Variants in SYNPO2 observed in about 807,000 individuals in gnomAD.
SYNPO2 encodes synaptopodin-2.
Under a neutral mutation model 85.0 loss-of-function variants are expected in SYNPO2, and 56 were observed. The observed-to-expected ratio is 0.66, with a 90% confidence interval of 0.53 to 0.82. The LOEUF is 0.82. SYNPO2 is among the 40% of genes least tolerant of loss of function. SYNPO2 has a pLI of 0.00. For synonymous variants in SYNPO2, 602 were observed against 591.1 expected (o/e 1.02, Z -0.27); for missense variants, 1,575 against 1,534.2 (o/e 1.03, Z -0.44).
intron 1 of SYNPO2, among the ~76,000 whole-genome samples, chr4:118,928,589 G>T (rs1203585000): frequency 1.3e-5 from 2 of 152,146 alleles, no homozygotes; most frequent in Non-Finnish European, 2.9e-5. Flanking sequence ...TATGTAGAAA[G>T]ATTAGACATT....
At position 119,034,573 on chromosome 4, in the gene SYNPO2, G is replaced by A. The variant is rs1337705027; in HGVS notation, c.3252+2546G>A. On this transcript the variant is annotated intron_variant, in intron 4 of 4. Coordinates refer to ENST00000307142, the MANE Select transcript of SYNPO2 (RefSeq NM_133477.3). ...TGCAGTAAAAGCATCTACAACTTCAGCTGGGCACTGGCAGCATAGGTCTCA... is the reference window on the plus strand; with the variant it reads ...TGCAGTAAAAGCATCTACAACTTCAACTGGGCACTGGCAGCATAGGTCTCA... 9 of 985,442 alleles carry A rather than the reference G, an allele frequency of 9.1e-6. No individual in the cohort carries two copies. The African/African-American group carries it at 1.2e-4, about 13-fold the overall frequency. The allele number at this position is 985,442 out of a possible 1,614,324, so 61.0% of individuals were successfully genotyped here.
intron 1 of SYNPO2, 29 bp downstream of exon 1, chr4:118,889,170 T>A: frequency 6.2e-7 from 1 of 1,602,646 alleles, no homozygotes; most frequent in Middle Eastern, 1.7e-4. Context: ...GTCACGGCTC[T>A]GTGCTAGGAA....
intron 1 of SYNPO2, among the ~76,000 whole-genome samples, chr4:118,856,935 A>G (rs1179412165): frequency 1.3e-5 from 2 of 152,198 alleles, no homozygotes; most frequent in African/African-American, 4.8e-5. Flanking sequence ...TATTTTAAGT[A>G]AAGAATATGA....
chr4:118,860,917 A>T (rs1731598160), intron 1 of SYNPO2, among the ~76,000 whole-genome samples: 1 of 152,136 alleles, frequency 6.6e-6, no homozygotes, highest in Non-Finnish European at 1.5e-5. Context: ...AGCTTCTAAC[A>T]TATTCTGGTT....
At chr4:119,029,283 T>G (rs1369337824) in intron 3 of SYNPO2, among the ~76,000 whole-genome samples, 3 of 152,048 alleles carry the variant, frequency 2.0e-5, no homozygotes, top group Non-Finnish European at 4.4e-5. Flanking sequence ...AGATTTGGGG[T>G]GGTTGTCAGG....
intron 1 of SYNPO2, among the ~76,000 whole-genome samples, chr4:118,976,336 C>G (rs1560934115): frequency 6.6e-6 from 1 of 152,098 alleles, no homozygotes; most frequent in Non-Finnish European, 1.5e-5. Flanking sequence ...CTCGTGGTCT[C>G]AAGAGTGAAG....
intron 2 of SYNPO2, among the ~76,000 whole-genome samples, chr4:119,024,125 C>G (rs1257186787): frequency 1.3e-5 from 2 of 152,178 alleles, no homozygotes; most frequent in Non-Finnish European, 2.9e-5. Flanking sequence ...GCACGACCAA[C>G]ACAGGTCATT....
chr4:118,866,075 C>A (rs1731694526), intron 1 of SYNPO2, among the ~76,000 whole-genome samples: 1 of 152,088 alleles, frequency 6.6e-6, no homozygotes, highest in African/African-American at 2.4e-5. Flanking sequence ...AACATCTGAG[C>A]CAAAGTCAGG....
intron 4 of SYNPO2, chr4:119,036,382 T>G: frequency 1.0e-6 from 1 of 985,424 alleles, no homozygotes; most frequent in Non-Finnish European, 1.2e-6. Context: ...TCGCTGGTCT[T>G]GGGTCCACAT....
rs534544921 is a variant in SYNPO2 at position 119,052,372 on chromosome 4, T to C, written c.3253-5029T>C. On this transcript the variant is annotated intron_variant, in intron 4 of 4. Transcript: ENST00000307142. ...ATAGGATGAGTCCAAAGTCACTCCC[T>C]AGAACAGAGAAGAATTAGCATGAAT... 2.0e-3 allele frequency among the ~76,000 whole-genome samples: 303 copies of C among 152,236 alleles called. 2 individuals carry two copies. The highest frequency in any genetic ancestry group is 7.1e-3 in the African/African-American group (296 of 41,550).
At chr4:119,052,261 G>C (rs990775562) in intron 4 of SYNPO2, among the ~76,000 whole-genome samples, 5 of 152,174 alleles carry the variant, frequency 3.3e-5, no homozygotes, top group African/African-American at 1.2e-4. Context: ...GGGAGAGCTG[G>C]CTGGGGTCAA....
At chr4:119,022,762 A>ATATTTTATTT (rs201911177) in intron 1 of SYNPO2, among the ~76,000 whole-genome samples, 2 of 109,784 alleles carry the variant, frequency 1.8e-5, no homozygotes, top group Non-Finnish European at 2.0e-5. Context: ...ATTTTATTTT[A>ATATTTTATTT]TATTTTATTT....
chr4:119,013,676 C>T (rs1737415349), intron 1 of SYNPO2, among the ~76,000 whole-genome samples: 1 of 152,178 alleles, frequency 6.6e-6, no homozygotes, highest in Non-Finnish European at 1.5e-5. Context: ...TACTTAAAGA[C>T]TTCTCTGATG....
intron 1 of SYNPO2, among the ~76,000 whole-genome samples, chr4:118,912,696 A>T (rs960494144): frequency 1.4e-4 from 21 of 152,188 alleles, no homozygotes; most frequent in Non-Finnish European, 1.5e-5. Context: ...AGAACAGTAC[A>T]TGCAAAATCC....
Position 119,026,731 on chromosome 4 carries a change from G to C in SYNPO2, c.362G>C (p.Arg121Pro). ...GYVESTTLQI[R>P]PATKTQCTEF... ...GTGGAAAGTACCACCCTGCAGATTC[G>C]ACCGGCCACAAAGACCCAGTGCACA... The change falls in exon 3 of 5, where the codon CGA becomes CCA. Residue 121 changes from arginine (R) to proline (P), a missense_variant. Coordinates refer to ENST00000307142, the MANE Select transcript of SYNPO2 (RefSeq NM_133477.3). 5 of 1,614,072 alleles carry C rather than the reference G, an allele frequency of 3.1e-6. No individual in the cohort carries two copies. The highest frequency in any genetic ancestry group is 3.4e-6 in the Non-Finnish European group (4 of 1,180,014).
intron 1 of SYNPO2, among the ~76,000 whole-genome samples, chr4:118,973,837 T>G (rs918778021): frequency 3.3e-5 from 5 of 152,190 alleles, no homozygotes; most frequent in Non-Finnish European, 7.3e-5. Context: ...GCTACACCAA[T>G]CAGTAGCCAC....
chr4:119,031,088 A>G lies in SYNPO2; in HGVS notation c.2313A>G (p.Gln771=), dbSNP rs1189016003. The G allele has an allele frequency of 2.5e-6, 4 of 1,613,810 alleles. No individual in the cohort carries two copies. The highest frequency in any genetic ancestry group is 1.3e-5 in the African/African-American group (1 of 74,874). Residue 771 remains glutamine (Q), a synonymous_variant, in exon 4 of 5, where the codon CAA becomes CAG. Coordinates refer to ENST00000307142, the MANE Select transcript of SYNPO2 (RefSeq NM_133477.3). ...CTGCAGTCAAGTCCTCATCCTCCCAACCAGTAACTCCAGTTTCCCCAGTCT... is the reference window on the plus strand; with the variant it reads ...CTGCAGTCAAGTCCTCATCCTCCCAGCCAGTAACTCCAGTTTCCCCAGTCT... ...PKPAVKSSSS[Q]PVTPVSPVWS... is the part of the protein sequence containing the mutation.
At chr4:118,933,479 C>T (rs77866832) in intron 1 of SYNPO2, among the ~76,000 whole-genome samples, 8,399 of 152,200 alleles carry the variant, frequency 0.055, 329 homozygotes, top group Non-Finnish European at 0.08. Context: ...AAAGTTCTAT[C>T]CTGGAGGCAA....
Position 119,031,034 on chromosome 4 carries a change from A to G in SYNPO2, c.2259A>G (p.Gln753=), listed in dbSNP as rs1323814604. 6.2e-7 allele frequency: 1 copy of G among 1,613,930 alleles called. No individual in the cohort carries two copies. Among genetic ancestry groups the G allele is most frequent in the Admixed American group, 1.7e-5 (1 of 59,986 alleles). Residue 753 remains glutamine (Q), a synonymous_variant, in exon 4 of 5, where the codon CAA becomes CAG. Coordinates refer to ENST00000307142, the MANE Select transcript of SYNPO2 (RefSeq NM_133477.3). Reference sequence around the variant, plus strand: ...TCATGCAAAGCTCCTCTGCCAAACAAAAGACCCCTCCTCCTGTTGCTCCAA... The same window carrying G: ...TCATGCAAAGCTCCTCTGCCAAACAGAAGACCCCTCCTCCTGTTGCTCCAA... ...CNFMQSSSAK[Q]KTPPPVAPKP...
Sources: gnomAD v4.1 joint callset for allele counts (sites outside exome capture counted in the v4.1 genomes callset) on GRCh38, gnomAD v4.1.1 for gene constraint, MANE v1.5 for transcripts, NCBI Gene and HGNC (gene_info 2026-07-23, HGNC 2026-07-21) for gene names.